IGSF10: variants seen among roughly 807,000 people sequenced by gnomAD.
The protein encoded by IGSF10 is calvaria mechanical force protein 608.
In IGSF10, 126 loss-of-function variants were observed where a neutral mutation model predicts 128.2. The observed-to-expected ratio is 0.98, with a 90% CI of 0.85 to 1.14. The LOEUF is 1.14. IGSF10 is among the 50% of genes most tolerant of loss of function. The probability of loss-of-function intolerance (pLI) is 0.00; values close to 1 mark genes in which losing one functional copy is unlikely to be tolerated. For synonymous variants in IGSF10, 1,185 were observed against 1,146.2 expected, an observed-to-expected ratio of 1.03 and a Z score of -0.68; for missense variants, 3,295 against 3,149.8, an observed-to-expected ratio of 1.05 and a Z score of -1.10.
At chr3:151,581,532 A>ATGTC in the IGSF10 span, among the ~76,000 whole-genome samples, 5 of 152,192 alleles carry the variant, frequency 3.3e-5, no homozygotes, top group African/African-American at 9.6e-5. Flanking sequence ...GTGGAATGAC[A>ATGTC]GCTCACCTTA....
chr3:151,565,655 G>A, the IGSF10 span, among the ~76,000 whole-genome samples: 16 of 151,984 alleles, frequency 1.1e-4, no homozygotes, highest in Admixed American at 7.9e-4. Context: ...ACATAGAAAT[G>A]TTCTGCTTTA....
At chr3:151,591,053 A>G in the IGSF10 span, among the ~76,000 whole-genome samples, 1 of 151,602 alleles carries the variant, frequency 6.6e-6, no homozygotes, top group African/African-American at 2.4e-5. Flanking sequence ...ATGGTGGAAG[A>G]GATGTGAAAT....
At chr3:151,514,127 A>C in the IGSF10 span, among the ~76,000 whole-genome samples, 1 of 152,206 alleles carries the variant, frequency 6.6e-6, no homozygotes, top group East Asian at 1.9e-4. Context: ...AATACTTTAA[A>C]GTTCATATGG....
the IGSF10 span, among the ~76,000 whole-genome samples, chr3:151,468,154 C>T: frequency 2.6e-5 from 4 of 152,090 alleles, no homozygotes; most frequent in Non-Finnish European, 5.9e-5. Context: ...CCGTCCTGAA[C>T]TTAGAAGTTT....
the IGSF10 span, among the ~76,000 whole-genome samples, chr3:151,532,554 T>C: frequency 6.6e-6 from 1 of 152,132 alleles, no homozygotes; most frequent in African/African-American, 2.4e-5. Flanking sequence ...ATCCATCGCA[T>C]AAGCAGAACC....
the IGSF10 span, among the ~76,000 whole-genome samples, chr3:151,485,326 T>C: frequency 0.48 from 72,784 of 151,912 alleles, 17,690 homozygotes; most frequent in South Asian, 0.59. Context: ...CTATGTTTGA[T>C]TGGTGTGTGT....
At chr3:151,607,967 T>C in the IGSF10 span, among the ~76,000 whole-genome samples, 5 of 143,054 alleles carry the variant, frequency 3.5e-5, no homozygotes, top group Admixed American at 6.9e-5. Flanking sequence ...AAAAGTAGAG[T>C]TCCTATAGAC....
At chr3:151,450,002 C>A (rs1234752295) in intron 5 of IGSF10, among the ~76,000 whole-genome samples, 1 of 152,120 alleles carries the variant, frequency 6.6e-6, no homozygotes, top group Non-Finnish European at 1.5e-5. Context: ...TGCACTAGAG[C>A]AGGTTCAGGT....
chr3:151,514,695 A>T, the IGSF10 span, among the ~76,000 whole-genome samples: 1 of 152,222 alleles, frequency 6.6e-6, no homozygotes, highest in African/African-American at 2.4e-5. Context: ...ACAAAATGGG[A>T]GAAAATTTTT....
At chr3:151,525,301 C>T in the IGSF10 span, among the ~76,000 whole-genome samples, 1 of 152,212 alleles carries the variant, frequency 6.6e-6, no homozygotes, top group Non-Finnish European at 1.5e-5. Flanking sequence ...ACAGAATATG[C>T]ATAACATGTA....
chr3:151,444,949 G>A lies in IGSF10; in HGVS notation c.5032C>T (p.Pro1678Ser). The A allele has an allele frequency of 6.2e-7, 1 of 1,612,590 alleles. No homozygotes were observed. The highest frequency in any genetic ancestry group is 8.5e-7 in the Non-Finnish European group (1 of 1,179,462). The change falls in exon 6 of 8, where the codon CCC (proline) becomes TCC (serine). Residue 1678 changes from proline (P) to serine (S), a missense_variant. Coordinates refer to ENST00000282466, the MANE Select transcript of IGSF10 (RefSeq NM_178822.5). ...LPCEAVGNPL[P>S]TIHWTRVPSG... ...GGGACTCTGGTCCAATGAATGGTGG[G>A]CAGGGGATTTCCAACAGCTTCACAG...
the IGSF10 span, among the ~76,000 whole-genome samples, chr3:151,482,524 T>C: frequency 1.8e-4 from 27 of 152,004 alleles, no homozygotes; most frequent in African/African-American, 6.3e-4. Context: ...GGCAAAAAAA[T>C]AAAGGAATAA....
In IGSF10 at chr3:151,436,786, A is replaced by ATGAC. The variant is rs771555256; in HGVS notation, c.7771_7774dup (p.Ile2592SerfsTer23). 1.9e-6 allele frequency: 3 copies of ATGAC among 1,614,146 alleles called. No homozygotes were observed. The highest frequency in any genetic ancestry group is 2.2e-5 in the South Asian group (2 of 91,090). Reference sequence around the variant, plus strand: ...AGAATCGGAGGTTTGGGGATTCTGAATGACTAGGGTACCTTGTAAGTGAAG... The same window carrying ATGAC: ...AGAATCGGAGGTTTGGGGATTCTGAATGACTGACTAGGGTACCTTGTAAGTGAAG... On this transcript the variant is annotated frameshift_variant, in exon 8 of 8. Transcript: ENST00000282466. LOFTEE classifies it low-confidence loss of function (END_TRUNC).
chr3:151,510,069 A>G, the IGSF10 span, among the ~76,000 whole-genome samples: 34 of 152,350 alleles, frequency 2.2e-4, no homozygotes, highest in East Asian at 6.0e-3. Flanking sequence ...GACAAACAAA[A>G]GACAGCAATA....
chr3:151,595,618 C>T, the IGSF10 span, among the ~76,000 whole-genome samples: 1 of 148,876 alleles, frequency 6.7e-6, no homozygotes, highest in Non-Finnish European at 1.5e-5. Context: ...GAAGGAAATC[C>T]TGTCATTCGT....
the IGSF10 span, among the ~76,000 whole-genome samples, chr3:151,511,221 C>T: frequency 6.6e-6 from 1 of 152,118 alleles, no homozygotes; most frequent in African/African-American, 2.4e-5. Context: ...AGAGAAAGGT[C>T]GGGTTACCCA....
At chr3:151,513,978 A>T in the IGSF10 span, among the ~76,000 whole-genome samples, 1 of 152,236 alleles carries the variant, frequency 6.6e-6, no homozygotes, top group East Asian at 1.9e-4. Context: ...AAGAGGATAC[A>T]AACAAATGGA....
At chr3:151,579,214 C>T in the IGSF10 span, among the ~76,000 whole-genome samples, 1 of 152,108 alleles carries the variant, frequency 6.6e-6, no homozygotes, top group Non-Finnish European at 1.5e-5. Flanking sequence ...TGAGTCAATT[C>T]CTTGCATTAA....
In IGSF10 at chr3:151,445,847, A is replaced by T; in HGVS notation, c.4134T>A (p.Val1378=). 1 of 1,614,182 alleles carries T rather than the reference A, an allele frequency of 6.2e-7. No individual in the cohort carries two copies. Among genetic ancestry groups the T allele is most frequent in the South Asian group, 1.1e-5 (1 of 91,082 alleles). ...FTTPTAMTPP[V]LTTAETSVKP... is the part of the protein sequence containing the mutation. ...TGACTGAAGTTTCGGCTGTGGTTAG[A>T]ACAGGAGGTGTCATAGCAGTGGGTG... The change falls in exon 6 of 8, where the codon GTT becomes GTA. Residue 1378 remains valine, a synonymous_variant. Coordinates refer to ENST00000282466, the MANE Select transcript of IGSF10 (RefSeq NM_178822.5).
Sources: gnomAD v4.1 joint callset for allele counts (sites outside exome capture counted in the v4.1 genomes callset) on GRCh38, gnomAD v4.1.1 for gene constraint, MANE v1.5 for transcripts, NCBI Gene and HGNC (gene_info 2026-07-23, HGNC 2026-07-21) for gene names.